Variants in CNTNAP4 observed in about 807,000 individuals in gnomAD.
CNTNAP4 encodes the protein contactin associated protein family member 4, also known as contactin-associated protein-like 4.
In CNTNAP4, 98 loss-of-function variants were observed where a neutral mutation model predicts 148.4. The observed-to-expected ratio is 0.66, with a 90% confidence interval of 0.56 to 0.78. CNTNAP4 has a LOEUF of 0.78. CNTNAP4 is among the 30% of genes least tolerant of loss of function. CNTNAP4 has a pLI of 0.00. For missense variants in CNTNAP4, 1,935 were observed against 1,565.6 expected (o/e 1.24, Z -3.98); for synonymous variants, 730 against 565.1 (o/e 1.29, Z -4.14).
chr16:76,404,301 TA>T (rs2078524851), intron 3 of CNTNAP4, among the ~76,000 whole-genome samples: 2 of 145,706 alleles, frequency 1.4e-5, no homozygotes, highest in African/African-American at 5.1e-5. Flanking sequence ...GACATAACAA[TA>T]ACAAAAAAGC....
At chr16:76,397,769 G>A (rs567112524) in intron 3 of CNTNAP4, among the ~76,000 whole-genome samples, 4 of 146,780 alleles carry the variant, frequency 2.7e-5, no homozygotes, top group African/African-American at 1.0e-4. Flanking sequence ...TGTAATTGTA[G>A]CATTATAAGC....
Position 76,479,485 on chromosome 16 carries a change from A to T in CNTNAP4, c.1829A>T (p.Asp610Val). 6.2e-7 allele frequency: 1 copy of T among 1,611,206 alleles called. No homozygotes were observed. Among genetic ancestry groups the T allele is most frequent in the Non-Finnish European group, 8.5e-7 (1 of 1,178,704 alleles). The change falls in exon 12 of 24, where the codon GAT becomes GTT. Residue 610 changes from aspartate to valine, a missense_variant. Asp to Val is a radical substitution (Grantham distance 152). Transcript: ENST00000611870. ...RGNTSGFYYI[D>V]SDGSGPLEPF... is the part of the protein sequence containing the mutation. ...AATACTTCAGGGTTTTACTATATAG[A>T]TTCAGATGGAAGTGGTCCCCTGGAA...
intron 3 of CNTNAP4, among the ~76,000 whole-genome samples, chr16:76,373,995 A>G (rs1441756962): frequency 6.6e-6 from 1 of 152,138 alleles, no homozygotes; most frequent in Non-Finnish European, 1.5e-5. Flanking sequence ...GATAAGAGAT[A>G]CAGTCCAAAA....
At chr16:76,380,897 G>T (rs532400084) in intron 3 of CNTNAP4, among the ~76,000 whole-genome samples, 1 of 152,144 alleles carries the variant, frequency 6.6e-6, no homozygotes, top group South Asian at 2.1e-4. Context: ...AAAAAATTAT[G>T]ACCTATCATG....
At chr16:76,493,497 A>G (rs200350796) in intron 13 of CNTNAP4, among the ~76,000 whole-genome samples, 1 of 137,558 alleles carries the variant, frequency 7.3e-6, no homozygotes, top group Admixed American at 7.4e-5. Flanking sequence ...TATTTTTTTT[A>G]AAGTCTTGGA....
At position 76,522,098 on chromosome 16, in the gene CNTNAP4, C is replaced by A; in HGVS notation, c.2596C>A (p.Gln866Lys). 6.2e-7 allele frequency: 1 copy of A among 1,613,916 alleles called. No homozygotes were observed. The change falls in exon 17 of 24, where the codon CAG becomes AAG. Residue 866 changes from glutamine (Q) to lysine (K), a missense_variant. Transcript: ENST00000611870. ...VGNGPFEISV[Q>K]SPTHFNDNQW... The stretch of plus-strand genomic sequence containing the variant: ...GAATGGGCCTTTTGAAATCTCAGTG[C>A]AGTCACCCACCCACTTCAACGACAA...
intron 1 of CNTNAP4, among the ~76,000 whole-genome samples, chr16:76,298,108 C>G (rs773253087): frequency 2.0e-5 from 3 of 152,174 alleles, no homozygotes; most frequent in Non-Finnish European, 4.4e-5. Context: ...CACAGTCTTT[C>G]AAACTACACA....
rs749536984 is a variant in CNTNAP4 at position 76,448,027 on chromosome 16, A to T, written c.554A>T (p.Asp185Val). The T allele has an allele frequency of 1.2e-6, 2 of 1,612,898 alleles. No homozygotes were observed. The highest frequency in any genetic ancestry group is 1.7e-5 in the Admixed American group (1 of 60,000). The stretch of plus-strand genomic sequence containing the variant: ...TTGTTTCTAGGATCAGAAGTGGTTG[A>T]TCTTGATGGAAAAAGTTCCCTTCTC... The part of the protein sequence containing the change: ...FGCAYRSEVV[D>V]LDGKSSLLYR... Residue 185 changes from aspartate to valine, a missense_variant, in exon 5 of 24, where the codon GAT (aspartate) becomes GTT (valine). Coordinates refer to ENST00000611870, the MANE Select transcript of CNTNAP4 (RefSeq NM_033401.5).
intron 3 of CNTNAP4, among the ~76,000 whole-genome samples, chr16:76,412,794 G>A (rs1384094892): frequency 1.3e-5 from 2 of 151,244 alleles, no homozygotes; most frequent in Admixed American, 6.6e-5. Flanking sequence ...AATGAACAAA[G>A]TTCTTAATGT....
Position 76,309,759 on chromosome 16 carries a change from G to T in CNTNAP4, c.86-6654G>T, listed in dbSNP as rs922757744. 1.2e-5 allele frequency: 8 copies of T among 676,364 alleles called. No individual in the cohort carries two copies. In the African/African-American group the frequency reaches 1.4e-4, roughly 12 times the overall value. The allele number at this position is 676,364 out of a possible 1,614,324, so 41.9% of individuals were successfully genotyped here. A position where few individuals can be genotyped will look rare whatever the true frequency, so the allele number is the denominator to read the frequency against. ...ATTGAATTGGGGTTTGGGCGGAGGG[G>T]GTGGTCCGGGCTTTCCCGTGCTATT... On this transcript the variant is annotated intron_variant, in intron 1 of 23. Transcript: ENST00000611870.
At chr16:76,412,873 G>T (rs1027860787) in intron 3 of CNTNAP4, among the ~76,000 whole-genome samples, 16 of 151,340 alleles carry the variant, frequency 1.1e-4, no homozygotes, top group African/African-American at 3.9e-4. Context: ...AAAATATTCA[G>T]CTATGTTATC....
At chr16:76,284,250 A>G (rs931911055) in intron 1 of CNTNAP4, among the ~76,000 whole-genome samples, 3 of 151,940 alleles carry the variant, frequency 2.0e-5, no homozygotes, top group Non-Finnish European at 1.5e-5. Flanking sequence ...TGGTGGTGGC[A>G]TGCAAATTCT....
chr16:76,429,623 G>T (rs1464291330), intron 4 of CNTNAP4, among the ~76,000 whole-genome samples: 1 of 152,066 alleles, frequency 6.6e-6, no homozygotes, highest in Admixed American at 6.6e-5. Flanking sequence ...ATGCTGTTTT[G>T]CTGGCTCTAA....
At chr16:76,523,112 T>C (rs1424681853) in intron 17 of CNTNAP4, among the ~76,000 whole-genome samples, 2 of 152,028 alleles carry the variant, frequency 1.3e-5, no homozygotes, top group Non-Finnish European at 2.9e-5. Context: ...TTTCAGCTTA[T>C]TTATTTATTA....
chr16:76,535,038 AT>A (rs1380841661), intron 17 of CNTNAP4, among the ~76,000 whole-genome samples: 3 of 152,232 alleles, frequency 2.0e-5, no homozygotes, highest in Non-Finnish European at 2.9e-5. Flanking sequence ...ATAATCTGAC[AT>A]TCAATTACCA....
chr16:76,504,143 A>G (rs905323050), intron 15 of CNTNAP4, among the ~76,000 whole-genome samples: 1 of 152,088 alleles, frequency 6.6e-6, no homozygotes, highest in African/African-American at 2.4e-5. Flanking sequence ...AATAGCAAAA[A>G]TGTTTTGAAA....
chr16:76,543,446 C>T (rs976293129), intron 21 of CNTNAP4, among the ~76,000 whole-genome samples: 30 of 152,202 alleles, frequency 2.0e-4, no homozygotes, highest in African/African-American at 7.2e-4. Context: ...CTCCAAACAA[C>T]AGCTGTGAAG....
chr16:76,290,390 A>T (rs544062798), intron 1 of CNTNAP4, among the ~76,000 whole-genome samples: 1 of 152,134 alleles, frequency 6.6e-6, no homozygotes, highest in Non-Finnish European at 1.5e-5. Context: ...CATATACCAC[A>T]TATGCTCATT....
chr16:76,542,816 A>T (rs1446262110), intron 21 of CNTNAP4, among the ~76,000 whole-genome samples: 4 of 152,208 alleles, frequency 2.6e-5, no homozygotes, highest in African/African-American at 9.6e-5. Flanking sequence ...AGTAGATACC[A>T]TTAATGAGTG....
Sources: allele counts gnomAD v4.1 joint callset (sites outside exome capture counted in the v4.1 genomes callset), GRCh38; gene constraint gnomAD v4.1.1; transcripts MANE v1.5; gene names NCBI Gene and HGNC (gene_info 2026-07-23, HGNC 2026-07-21).